Variants in SMIM36 observed in about 807,000 individuals in gnomAD.
SMIM36 encodes the protein small integral membrane protein 36.
chr17:55,475,842 A>C (rs1472134004), intron 3 of SMIM36, among the ~76,000 whole-genome samples: 1 of 152,078 alleles, frequency 6.6e-6, no homozygotes, highest in Non-Finnish European at 1.5e-5. Flanking sequence ...ATCACTAATC[A>C]TTCTATATGA....
chr17:55,498,060 A>G (rs1909838865), intron 1 of SMIM36, among the ~76,000 whole-genome samples: 1 of 152,190 alleles, frequency 6.6e-6, no homozygotes, highest in African/African-American at 2.4e-5. Context: ...GGTACCACGG[A>G]AGGATGTATT....
chr17:55,516,201 T>A (rs1164355173), upstream of SMIM36, among the ~76,000 whole-genome samples: 1 of 152,044 alleles, frequency 6.6e-6, no homozygotes, highest in Non-Finnish European at 1.5e-5. Flanking sequence ...TGAAAAACAA[T>A]GTAGCTAGGG....
chr17:55,478,364 G>T (rs1037683106), intron 3 of SMIM36, among the ~76,000 whole-genome samples: 1 of 151,876 alleles, frequency 6.6e-6, no homozygotes, highest in African/African-American at 2.4e-5. Flanking sequence ...CTCCCGAGTA[G>T]CTGGGACTAC....
At chr17:55,466,477 G>A (rs11870717) in intron 4 of SMIM36, among the ~76,000 whole-genome samples, 79,782 of 151,768 alleles carry the variant, frequency 0.53, 23,286 homozygotes, top group Non-Finnish European at 0.67. Context: ...TAGGACAAAA[G>A]AAGTTACAAA....
intron 1 of SMIM36, among the ~76,000 whole-genome samples, chr17:55,496,814 G>A (rs2144712885): frequency 6.6e-6 from 1 of 152,306 alleles, no homozygotes; most frequent in South Asian, 2.1e-4. Context: ...ATTCTGGGCA[G>A]CTATAAAGTT....
At chr17:55,481,380 C>G (rs1909518295) in intron 1 of SMIM36, among the ~76,000 whole-genome samples, 1 of 152,050 alleles carries the variant, frequency 6.6e-6, no homozygotes, top group South Asian at 2.1e-4. Context: ...TGCCCAATAA[C>G]CAGGCAGAAG....
At chr17:55,488,866 C>T (rs1909652935) in intron 1 of SMIM36, among the ~76,000 whole-genome samples, 1 of 150,172 alleles carries the variant, frequency 6.7e-6, no homozygotes, top group African/African-American at 2.5e-5. Flanking sequence ...TGAATGCGTA[C>T]ACCTGGTAGC....
At position 55,503,241 on chromosome 17, in the gene SMIM36, T is replaced by A. The variant is rs1173238243; in HGVS notation, c.*174+7638A>T. 4.8e-3 allele frequency among the ~76,000 whole-genome samples: 494 copies of A among 101,988 alleles called. 1 individual carries two copies. The highest frequency in any genetic ancestry group is 5.8e-3 in the Non-Finnish European group (297 of 51,084). The allele number at this position is 101,988 out of a possible 152,430, so 66.9% of individuals were successfully genotyped here. A position where few individuals can be genotyped will look rare whatever the true frequency, so the allele number is the denominator to read the frequency against. ...ACAGAGAATGCCACAAAGATACTCC[T>A]CGAGAAGAGCAACTCCAAGACACAT... is the stretch of plus-strand genomic sequence containing the variant. On this transcript the variant is annotated intron_variant, in intron 1 of 4. Coordinates refer to ENST00000636752, the Ensembl canonical transcript of SMIM36.
At chr17:55,474,443 G>A (rs1034302673) in intron 3 of SMIM36, among the ~76,000 whole-genome samples, 4 of 152,190 alleles carry the variant, frequency 2.6e-5, no homozygotes, top group African/African-American at 9.7e-5. Context: ...GAGGATCAAT[G>A]CAGTGGCTGA....
At chr17:55,494,117 C>A (rs920579583) in intron 1 of SMIM36, among the ~76,000 whole-genome samples, 1 of 152,172 alleles carries the variant, frequency 6.6e-6, no homozygotes, top group African/African-American at 2.4e-5. Context: ...TAAAAATCCT[C>A]TCTCCTTTTT....
chr17:55,521,910 C>G, the SMIM36 span, among the ~76,000 whole-genome samples: 1 of 150,238 alleles, frequency 6.7e-6, no homozygotes, highest in South Asian at 2.1e-4. Flanking sequence ...ATTAATGCAA[C>G]TAGCATACCT....
At chr17:55,470,884 A>T (rs536214673) in intron 3 of SMIM36, among the ~76,000 whole-genome samples, 1 of 152,244 alleles carries the variant, frequency 6.6e-6, no homozygotes, top group South Asian at 2.1e-4. Flanking sequence ...CTGGCCTGTT[A>T]CAACATGGCC....
intron 1 of SMIM36, among the ~76,000 whole-genome samples, chr17:55,481,589 G>A (rs1334040285): frequency 1.3e-5 from 2 of 152,048 alleles, no homozygotes; most frequent in Non-Finnish European, 1.5e-5. Context: ...AGGAAGCACG[G>A]GTATAAGTGT....
chr17:55,457,092 A>G (rs571807443), intron 4 of SMIM36, among the ~76,000 whole-genome samples: 2 of 152,180 alleles, frequency 1.3e-5, no homozygotes, highest in South Asian at 2.1e-4. Context: ...TGGTCATAAG[A>G]GTAGATTGGG....
At chr17:55,497,305 C>A (rs1461867583) in intron 1 of SMIM36, among the ~76,000 whole-genome samples, 3 of 151,998 alleles carry the variant, frequency 2.0e-5, no homozygotes, top group Non-Finnish European at 4.4e-5. Context: ...GCTCTTGTTG[C>A]CCAGGCTGGA....
intron 1 of SMIM36, among the ~76,000 whole-genome samples, chr17:55,502,447 C>T (rs1370803564): frequency 9.1e-3 from 812 of 88,904 alleles, no homozygotes; most frequent in African/African-American, 0.041. Flanking sequence ...CTGGGAGGCA[C>T]CCCCCAGCAG....
chr17:55,524,543 T>C, the SMIM36 span, among the ~76,000 whole-genome samples: 1 of 152,202 alleles, frequency 6.6e-6, no homozygotes, highest in Non-Finnish European at 1.5e-5. Flanking sequence ...ACCGACAGTG[T>C]ATAGGCGTTT....
At chr17:55,470,938 C>A (rs1169394167) in intron 3 of SMIM36, among the ~76,000 whole-genome samples, 1 of 152,168 alleles carries the variant, frequency 6.6e-6, no homozygotes, top group African/African-American at 2.4e-5. Context: ...CCATCCTACC[C>A]GTCCAGAAAC....
At chr17:55,495,627 AAT>A (rs1491560781) in intron 1 of SMIM36, among the ~76,000 whole-genome samples, 1 of 122,938 alleles carries the variant, frequency 8.1e-6, no homozygotes, top group African/African-American at 5.0e-5. Context: ...TGTCTCTATA[AAT>A]TTTTTTTTTT....
Sources: allele counts gnomAD v4.1 joint callset (sites outside exome capture counted in the v4.1 genomes callset), GRCh38; gene constraint gnomAD v4.1.1; transcripts MANE v1.5; gene names NCBI Gene and HGNC (gene_info 2026-07-23, HGNC 2026-07-21).